The following ZNF30 variants were observed in gnomAD, a reference collection of about 807,000 sequenced individuals.
The protein encoded by ZNF30 is zinc finger protein 30 (KOX 28).
ZNF30 carries 15 observed loss-of-function variants against 13.2 expected under a neutral mutation model. The ratio of observed to expected loss-of-function variants is 1.13; its 90% CI spans 0.76 to 1.75. The LOEUF (loss-of-function observed/expected upper bound fraction) is 1.75, where lower values mean the gene tolerates loss of function less well. Among genes scored for constraint, ZNF30 ranks in the 40% most tolerant of loss-of-function variants. ZNF30 has a pLI of 0.00. For missense variants in ZNF30, 726 were observed against 757.0 expected (o/e 0.96, Z 0.48); for synonymous variants, 223 against 256.6 (o/e 0.87, Z 1.25).
At position 34,943,744 on chromosome 19, in the gene ZNF30, T is replaced by C. The variant is rs145945527; in HGVS notation, c.778T>C (p.Phe260Leu). ...GAGTACTCACACTGGTGAAAAACCC[T>C]TTGGGTGTGAGGAGTGTGGGAAGGC... ...HQSTHTGEKP[F>L]GCEECGKAFS... is the part of the protein sequence containing the mutation. The change falls in exon 5 of 5, where the codon TTT becomes CTT. Residue 260 changes from phenylalanine to leucine, a missense_variant. Physicochemically the swap from Phe to Leu is conservative, Grantham distance 22. Transcript: ENST00000601142. 39,267 of 1,613,904 alleles carry C rather than the reference T, an allele frequency of 0.024. 596 individuals are homozygous for C. The highest frequency in any genetic ancestry group is 0.029 in the Non-Finnish European group (33,959 of 1,179,854).
intron 4 of ZNF30, among the ~76,000 whole-genome samples, chr19:34,937,941 G>A (rs1177300992): frequency 2.6e-5 from 4 of 151,954 alleles, no homozygotes; most frequent in African/African-American, 7.3e-5. Context: ...GACTACAGGC[G>A]CCTGCCACCA....
chr19:34,944,513 A>T lies in ZNF30; in HGVS notation c.1547A>T (p.Glu516Val), dbSNP rs373991777. The T allele has an allele frequency of 6.2e-7, 1 of 1,614,112 alleles. No homozygotes were observed. Among genetic ancestry groups the T allele is most frequent in the African/African-American group, 1.3e-5 (1 of 75,030 alleles). Residue 516 changes from glutamate (E) to valine (V), a missense_variant, in exon 5 of 5, where the codon GAG (glutamate) becomes GTG (valine). Physicochemically the swap from Glu to Val is moderately radical, Grantham distance 121. Coordinates refer to ENST00000601142, the MANE Select transcript of ZNF30 (RefSeq NM_194325.3). ...GGTAAGAAGCCCTATGAGTGTAAGG[A>T]GTGTGGCAAGGCCTTCAGTTCTGGC... ...HTGKKPYECK[E>V]CGKAFSSGSY...
chr19:34,938,826 C>G lies in ZNF30; in HGVS notation c.257-4397C>G, dbSNP rs2012877008. Among the ~76,000 whole-genome samples, 5 of 152,296 alleles carry G rather than the reference C, an allele frequency of 3.3e-5. No individual in the cohort carries two copies. In the South Asian group the frequency reaches 1.0e-3, roughly 32 times the overall value. On this transcript the variant is annotated intron_variant, in intron 4 of 4. Transcript: ENST00000601142. ...GGGCAGCCTCACCTGTTTTGTCAGG[C>G]TGCATCCTTACAGTAGTTCACGCAG... is the stretch of plus-strand genomic sequence containing the variant.
chr19:34,935,703 T>TTGTTGTATATGTTGTCTATAG (rs2012697744), intron 4 of ZNF30, among the ~76,000 whole-genome samples: 1 of 52,412 alleles, frequency 1.9e-5, no homozygotes, highest in African/African-American at 1.8e-4. Flanking sequence ...GTCTATAGTT[T>TTGTTGTATATGTTGTCTATAG]TTTTTTTTTT....
rs182200737 is a variant in ZNF30, at chr19:34,945,062, C to T, written c.*224C>T. On this transcript the variant is annotated 3_prime_UTR_variant, in exon 5 of 5. Transcript: ENST00000601142. ...TGGACCATTCAGAAAAAGTGGGAAA[C>T]GTTATTACTTAATGGTTACAGCACT... is the stretch of plus-strand genomic sequence containing the variant. 44 of 469,374 alleles carry T rather than the reference C, an allele frequency of 9.4e-5. No individual in the cohort carries two copies. The highest frequency in any genetic ancestry group is 9.4e-5 in the East Asian group (3 of 31,882). 29.1% of individuals were successfully genotyped at this position (469,374 alleles called of 1,614,324 possible). A position where few individuals can be genotyped will look rare whatever the true frequency, so the allele number is the denominator to read the frequency against.
At chr19:34,935,006 G>A (rs1395355938) in intron 4 of ZNF30, among the ~76,000 whole-genome samples, 1 of 152,106 alleles carries the variant, frequency 6.6e-6, no homozygotes, top group East Asian at 1.9e-4. Context: ...GAGGTGGGTG[G>A]ATCAGGAGGT....
intron 4 of ZNF30, among the ~76,000 whole-genome samples, chr19:34,935,091 C>T (rs1159645333): frequency 5.3e-5 from 8 of 151,876 alleles, no homozygotes; most frequent in South Asian, 2.1e-4. Flanking sequence ...ATTGGCCAGG[C>T]GTGGTGGCGG....
chr19:34,930,034 TTCA>T lies in ZNF30; in HGVS notation c.9+82_9+84del, dbSNP rs1453215299. On this transcript the variant is annotated intron_variant, in intron 2 of 4. Coordinates refer to ENST00000601142, the MANE Select transcript of ZNF30 (RefSeq NM_194325.3). ...TTTCCTTAATTGACCTGAAGCATTC[TTCA>T]TCAGAATGTACCATCTAATTGCCTA... 5 of 1,382,188 alleles carry T rather than the reference TTCA, an allele frequency of 3.6e-6. 1 individual carries two copies. The highest frequency in any genetic ancestry group is 1.4e-5 in the African/African-American group (1 of 68,990). The allele number at this position is 1,382,188 out of a possible 1,614,324, so 85.6% of individuals were successfully genotyped here.
chr19:34,931,959 G>A lies in ZNF30; in HGVS notation c.126G>A (p.Val42=). The A allele has an allele frequency of 1.2e-6, 2 of 1,603,608 alleles. No individual in the cohort carries two copies. The highest frequency in any genetic ancestry group is 1.7e-6 in the Non-Finnish European group (2 of 1,176,736). The change falls in exon 3 of 5, where the codon GTG becomes GTA. Residue 42 remains valine (V), a synonymous_variant. Coordinates refer to ENST00000601142, the MANE Select transcript of ZNF30 (RefSeq NM_194325.3). ...CCCAGAGGGGCTTGTACAGAGATGT[G>A]ATGTTGGAGAACTACAGGAACTTGG... ...DSSQRGLYRD[V]MLENYRNLVS... is the part of the protein sequence containing the mutation.
At chr19:34,933,279 T>A (rs1386840445) in intron 3 of ZNF30, among the ~76,000 whole-genome samples, 1 of 151,820 alleles carries the variant, frequency 6.6e-6, no homozygotes, top group African/African-American at 2.4e-5. Flanking sequence ...CATGGTGACA[T>A]CCGTCTCTAC....
intron 1 of ZNF30, among the ~76,000 whole-genome samples, chr19:34,929,027 A>G (rs2545999): frequency 0.58 from 87,904 of 151,976 alleles, 28,481 homozygotes; most frequent in African/African-American, 0.89. Context: ...TCACGCCTGT[A>G]ATCCCAGCAC....
intron 3 of ZNF30, among the ~76,000 whole-genome samples, 192 bp downstream of exon 3, chr19:34,932,185 A>G (rs1263580756): frequency 6.6e-6 from 1 of 152,222 alleles, no homozygotes; most frequent in Non-Finnish European, 1.5e-5. Context: ...AAACATTGAC[A>G]AAAGAGGCCA....
chr19:34,926,700 TG>T, upstream of ZNF30: 1 of 368,156 alleles, frequency 2.7e-6, no homozygotes, highest in South Asian at 1.5e-4. Flanking sequence ...TATCATTTTT[TG>T]TTTGTTTTTG....
chr19:34,929,537 T>C (rs1457284705), intron 1 of ZNF30, among the ~76,000 whole-genome samples: 1 of 152,168 alleles, frequency 6.6e-6, no homozygotes, highest in Non-Finnish European at 1.5e-5. Flanking sequence ...AAGCTCTGGA[T>C]TGGGTGATAT....
upstream of ZNF30, chr19:34,926,737 T>A (rs183742265): frequency 3.6e-5 from 14 of 393,314 alleles, no homozygotes; most frequent in African/African-American, 2.9e-4. Flanking sequence ...ACCTGGTGTG[T>A]TAATGCCCTG....
At chr19:34,931,221 A>G (rs1286917262) in intron 2 of ZNF30, among the ~76,000 whole-genome samples, 3 of 151,980 alleles carry the variant, frequency 2.0e-5, no homozygotes, top group African/African-American at 7.2e-5. Context: ...TATTTTTAGT[A>G]GAGATGAGTT....
At chr19:34,937,202 G>T (rs1459483069) in intron 4 of ZNF30, among the ~76,000 whole-genome samples, 1 of 151,910 alleles carries the variant, frequency 6.6e-6, no homozygotes, top group Non-Finnish European at 1.5e-5. Flanking sequence ...TAGTAGAGAT[G>T]GGGTTTCATC....
chr19:34,943,423 T>C lies in ZNF30; in HGVS notation c.457T>C (p.Cys153Arg), dbSNP rs1358297877. Residue 153 changes from cysteine (C) to arginine (R), a missense_variant, in exon 5 of 5, where the codon TGT becomes CGT. By Grantham distance (180) the Cys-to-Arg change is radical (BLOSUM62 -3). Coordinates refer to ENST00000601142, the MANE Select transcript of ZNF30 (RefSeq NM_194325.3). The stretch of plus-strand genomic sequence containing the variant: ...TGAAAAACCCAACAGATGTAAAGAA[T>C]GTGGGAAGAACTTTAGTAATGGACA... The part of the protein sequence containing the change: ...SSEKPNRCKE[C>R]GKNFSNGHQL... The C allele has an allele frequency of 6.2e-7, 1 of 1,613,902 alleles. No individual in the cohort carries two copies.
At chr19:34,929,824 T>G in intron 1 of ZNF30, 60 bp from the exon 2 acceptor site, 1 of 874,074 alleles carries the variant, frequency 1.1e-6, no homozygotes, top group South Asian at 1.9e-5. Context: ...ACAGGAAGGT[T>G]TATTAATGTA....
Sources: gnomAD v4.1 joint callset for allele counts (sites outside exome capture counted in the v4.1 genomes callset) on GRCh38, gnomAD v4.1.1 for gene constraint, MANE v1.5 for transcripts, NCBI Gene and HGNC (gene_info 2026-07-23, HGNC 2026-07-21) for gene names.